Variants in FHIT observed in about 807,000 individuals in gnomAD.
The protein encoded by FHIT is bis(5'-adenosyl)-triphosphatase.
FHIT carries 19 observed loss-of-function variants against 17.9 expected under a neutral mutation model. The observed-to-expected ratio is 1.06, with a 90% confidence interval of 0.74 to 1.56. The LOEUF (loss-of-function observed/expected upper bound fraction) is 1.56, where lower values mean the gene tolerates loss of function less well. FHIT is among the 40% of genes most tolerant of loss of function. FHIT has a pLI of 0.00. For missense variants in FHIT, 248 were observed against 189.2 expected (o/e 1.31, Z -1.82); for synonymous variants, 81 against 69.7 (o/e 1.16, Z -0.81).
At chr3:60,307,072 T>C (rs757632088) in intron 5 of FHIT, among the ~76,000 whole-genome samples, 2 of 152,146 alleles carry the variant, frequency 1.3e-5, no homozygotes, top group Non-Finnish European at 2.9e-5. Flanking sequence ...ACTATCTCTT[T>C]CTTCCCCACA....
intron 4 of FHIT, among the ~76,000 whole-genome samples, chr3:60,683,875 A>G (rs1433859459): frequency 6.6e-6 from 1 of 152,168 alleles, no homozygotes; most frequent in African/African-American, 2.4e-5. Context: ...ATCATCAGGA[A>G]TCAATTAGTA....
chr3:60,401,399 T>C (rs1237399913), intron 5 of FHIT, among the ~76,000 whole-genome samples: 1 of 152,136 alleles, frequency 6.6e-6, no homozygotes, highest in Non-Finnish European at 1.5e-5. Context: ...TCTGACTTAC[T>C]GTTAGGTTCG....
At chr3:60,639,006 T>TAAA (rs782748153) in intron 4 of FHIT, among the ~76,000 whole-genome samples, 1 of 116,190 alleles carries the variant, frequency 8.6e-6, no homozygotes, top group African/African-American at 3.2e-5. Context: ...ATGCATAAAT[T>TAAA]AAAAAAAAAA....
At chr3:60,326,292 G>C (rs1038363672) in intron 5 of FHIT, among the ~76,000 whole-genome samples, 2 of 152,046 alleles carry the variant, frequency 1.3e-5, no homozygotes, top group Non-Finnish European at 2.9e-5. Flanking sequence ...TGGGAGTCCT[G>C]AGCTTGTATT....
intron 3 of FHIT, among the ~76,000 whole-genome samples, chr3:60,837,868 A>G (rs1458184718): frequency 1.3e-5 from 2 of 152,156 alleles, no homozygotes; most frequent in Non-Finnish European, 2.9e-5. Context: ...TGAGTAACAT[A>G]TAGAAACCCT....
intron 4 of FHIT, among the ~76,000 whole-genome samples, chr3:60,559,998 C>A (rs977082749): frequency 6.6e-6 from 1 of 151,978 alleles, no homozygotes; most frequent in Non-Finnish European, 1.5e-5. Flanking sequence ...AAGTCAAGTA[C>A]AGATGTTTAA....
At chr3:60,433,927 T>C (rs1247003955) in intron 5 of FHIT, among the ~76,000 whole-genome samples, 1 of 152,140 alleles carries the variant, frequency 6.6e-6, no homozygotes. Flanking sequence ...TGTGAGGTAG[T>C]TTCAATTGTC....
intron 4 of FHIT, among the ~76,000 whole-genome samples, chr3:60,795,371 T>C (rs1032072462): frequency 3.9e-5 from 6 of 152,254 alleles, no homozygotes; most frequent in Non-Finnish European, 7.3e-5. Context: ...TCTTTCCTGT[T>C]GAATATGTTT....
intron 5 of FHIT, among the ~76,000 whole-genome samples, chr3:60,161,525 T>G (rs1198705618): frequency 9.2e-5 from 14 of 152,074 alleles, no homozygotes; most frequent in Admixed American, 9.2e-4. Context: ...TGGTGTGACT[T>G]AGTCATCAAG....
At position 60,585,378 on chromosome 3, in the gene FHIT, T is replaced by C. The variant is rs528053751; in HGVS notation, c.-17-48399A>G. Reference sequence around the variant, plus strand: ...ACAGGTGCATTTTGTTAGAGTTTACTGAAACTCTTTACATTGTAAAGCTGT... The same window carrying C: ...ACAGGTGCATTTTGTTAGAGTTTACCGAAACTCTTTACATTGTAAAGCTGT... On this transcript the variant is annotated intron_variant, in intron 4 of 9. Transcript: ENST00000492590. 5.9e-5 allele frequency among the ~76,000 whole-genome samples: 9 copies of C among 152,038 alleles called. No homozygotes were observed. In the South Asian group the frequency reaches 1.9e-3, roughly 31 times the overall value.
chr3:60,879,931 A>G (rs1704875622), intron 3 of FHIT, among the ~76,000 whole-genome samples: 1 of 150,864 alleles, frequency 6.6e-6, no homozygotes, highest in Non-Finnish European at 1.5e-5. Flanking sequence ...ATATTATGGC[A>G]GTTCCAGAAG....
intron 2 of FHIT, among the ~76,000 whole-genome samples, chr3:61,115,971 G>T (rs1300406909): frequency 1.3e-5 from 2 of 152,090 alleles, no homozygotes; most frequent in African/African-American, 4.8e-5. Flanking sequence ...TTTATTAGCT[G>T]CACCAGATGG....
chr3:59,883,702 C>T (rs56145583), intron 8 of FHIT, among the ~76,000 whole-genome samples: 4,031 of 152,302 alleles, frequency 0.026, 52 homozygotes, highest in South Asian at 0.064. Flanking sequence ...CGTCTCTTTC[C>T]AAGTCTGTGC....
intron 4 of FHIT, among the ~76,000 whole-genome samples, chr3:60,655,380 A>G (rs1403628406): frequency 6.6e-6 from 1 of 152,248 alleles, no homozygotes; most frequent in Non-Finnish European, 1.5e-5. Context: ...CTCTTTTACT[A>G]AAAACAACAA....
At chr3:61,080,401 T>C (rs1261005022) in intron 2 of FHIT, among the ~76,000 whole-genome samples, 1 of 152,190 alleles carries the variant, frequency 6.6e-6, no homozygotes, top group Non-Finnish European at 1.5e-5. Flanking sequence ...GTAATTCTTT[T>C]ACCAGCCTTA....
In FHIT at chr3:60,861,274, ATCTT is replaced by A. The variant is rs1422966564; in HGVS notation, c.-110-39267_-110-39264del. ...ATACATATGATATATCATATCATAT[ATCTT>A]TCTTTTTTTTTTCAGTTAAGCTACT... On this transcript the variant is annotated intron_variant, in intron 3 of 9. Transcript: ENST00000492590. Among the ~76,000 whole-genome samples, 4 of 124,392 alleles carry A rather than the reference ATCTT, an allele frequency of 3.2e-5. 1 individual carries two copies. The highest frequency in any genetic ancestry group is 9.0e-5 in the Admixed American group (1 of 11,112). 81.6% of individuals were successfully genotyped at this position (124,392 alleles called of 152,430 possible).
intron 3 of FHIT, among the ~76,000 whole-genome samples, chr3:60,825,359 T>C (rs573673026): frequency 6.6e-6 from 1 of 152,306 alleles, no homozygotes; most frequent in East Asian, 1.9e-4. Flanking sequence ...TTAAAAAGAA[T>C]AGATTGGTTT....
intron 8 of FHIT, among the ~76,000 whole-genome samples, chr3:59,763,435 T>C (rs1022602995): frequency 6.6e-6 from 1 of 152,224 alleles, no homozygotes; most frequent in African/African-American, 2.4e-5. Flanking sequence ...AGATAAAACC[T>C]ATTTGAAGAA....
intron 2 of FHIT, among the ~76,000 whole-genome samples, chr3:61,192,867 G>A (rs190474187): frequency 6.6e-6 from 1 of 152,232 alleles, no homozygotes; most frequent in Admixed American, 6.5e-5. Flanking sequence ...CCACACAAAT[G>A]GTGAGGCATC....
Sources: gnomAD v4.1 joint callset for allele counts (sites outside exome capture counted in the v4.1 genomes callset) on GRCh38, gnomAD v4.1.1 for gene constraint, MANE v1.5 for transcripts, NCBI Gene and HGNC (gene_info 2026-07-23, HGNC 2026-07-21) for gene names.